The following CCSER2 variants were observed in gnomAD, a reference collection of about 807,000 sequenced individuals.
CCSER2 encodes coiled-coil serine rich protein 2.
CCSER2 carries 46 observed loss-of-function variants against 92.3 expected under a neutral mutation model. That is an observed-to-expected ratio of 0.50 (90% CI 0.39 to 0.64). The LOEUF (loss-of-function observed/expected upper bound fraction) is 0.64. Ranked by LOEUF, CCSER2 falls within the 30% of genes least tolerant of loss-of-function variation. CCSER2 has a pLI of 0.00. For missense variants in CCSER2, 1,244 were observed against 1,238.9 expected, an observed-to-expected ratio of 1.00 and a Z score of -0.06; for synonymous variants, 433 against 431.4, an observed-to-expected ratio of 1.00 and a Z score of -0.04.
chr10:84,359,060 C>T (rs1845356926), intron 1 of CCSER2, among the ~76,000 whole-genome samples: 1 of 152,240 alleles, frequency 6.6e-6, no homozygotes, highest in East Asian at 1.9e-4. Context: ...ATTCCTGTAA[C>T]CTTCTCCCAC....
At chr10:84,411,289 T>A (rs1842637424) in intron 3 of CCSER2, among the ~76,000 whole-genome samples, 1 of 152,198 alleles carries the variant, frequency 6.6e-6, no homozygotes, top group South Asian at 2.1e-4. Context: ...TTGGGCTCTT[T>A]TTTGGTTCCA....
rs560129793 is a variant in CCSER2, at chr10:84,515,828, C to T, written c.*1561C>T. Reference sequence around the variant, plus strand: ...CAAAGACAATATTCTTATTTTAATACGCTGTAGAAGGTAGGTGTGGAACCT... The same window carrying T: ...CAAAGACAATATTCTTATTTTAATATGCTGTAGAAGGTAGGTGTGGAACCT... On this transcript the variant is annotated 3_prime_UTR_variant, in exon 10 of 10. Coordinates refer to ENST00000372088, the MANE Select transcript of CCSER2 (RefSeq NM_001284240.2). 3.4e-4 allele frequency: 52 copies of T among 152,248 alleles called. No individual in the cohort carries two copies. Among genetic ancestry groups the T allele is most frequent in the African/African-American group, 9.6e-4 (40 of 41,532 alleles). The allele number at this position is 152,248 out of a possible 1,614,324, so 9.4% of individuals were successfully genotyped here.
intron 8 of CCSER2, among the ~76,000 whole-genome samples, chr10:84,473,749 A>T (rs1187434913): frequency 6.6e-6 from 1 of 152,192 alleles, no homozygotes. Flanking sequence ...CAGAAGAATC[A>T]TAGACTAGGA....
At chr10:84,402,282 G>GT (rs1249496309) in intron 3 of CCSER2, among the ~76,000 whole-genome samples, 3 of 152,262 alleles carry the variant, frequency 2.0e-5, no homozygotes, top group South Asian at 4.1e-4. Context: ...GTGGCTGCTG[G>GT]TGACAGTAGC....
Position 84,373,695 on chromosome 10 carries a change from G to A in CCSER2, c.1494G>A (p.Ser498=), listed in dbSNP as rs140176729. Residue 498 remains serine (S), a synonymous_variant, in exon 3 of 10, where the codon TCG becomes TCA. Coordinates refer to ENST00000372088, the MANE Select transcript of CCSER2 (RefSeq NM_001284240.2). ...ATACAGACTACAGAGCTGGTTCTTC[G>A]TTTGAACTCTCTCCATCTGATAGCT... The part of the protein sequence containing the change: ...SPDTDYRAGS[S]FELSPSDSSD... 22 of 1,613,522 alleles carry A rather than the reference G, an allele frequency of 1.4e-5. No individual in the cohort carries two copies. In the East Asian group the frequency reaches 3.1e-4, roughly 23 times the overall value.
At chr10:84,468,508 GA>G (rs903155090) in intron 7 of CCSER2, among the ~76,000 whole-genome samples, 8 of 152,162 alleles carry the variant, frequency 5.3e-5, no homozygotes, top group South Asian at 2.1e-4. Context: ...TTTGGTGGGG[GA>G]AAAAAATCCT....
intron 9 of CCSER2, among the ~76,000 whole-genome samples, chr10:84,488,172 G>A (rs528626663): frequency 2.0e-5 from 3 of 152,294 alleles, no homozygotes; most frequent in African/African-American, 7.2e-5. Flanking sequence ...TTGCATCGAT[G>A]TTCATCAGGG....
intron 1 of CCSER2, among the ~76,000 whole-genome samples, chr10:84,365,194 A>G (rs2133136427): frequency 6.6e-6 from 1 of 152,358 alleles, no homozygotes; most frequent in South Asian, 2.1e-4. Flanking sequence ...CACAGATGGT[A>G]TTAAAGTGTC....
At chr10:84,386,081 CAT>C (rs34216639) in intron 3 of CCSER2, among the ~76,000 whole-genome samples, 15,167 of 152,062 alleles carry the variant, frequency 0.1, 948 homozygotes, top group Admixed American at 0.15. Flanking sequence ...TAAAAAATAA[CAT>C]ATGTTGGTGA....
At chr10:84,394,325 C>T (rs930821172) in intron 3 of CCSER2, among the ~76,000 whole-genome samples, 10 of 150,600 alleles carry the variant, frequency 6.6e-5, no homozygotes, top group Non-Finnish European at 1.3e-4. Flanking sequence ...AACACATGAT[C>T]GTAGTATGAA....
chr10:84,335,155 A>G (rs1365815851), intron 1 of CCSER2, among the ~76,000 whole-genome samples: 1 of 147,236 alleles, frequency 6.8e-6, no homozygotes, highest in Non-Finnish European at 1.5e-5. Context: ...GGTGCCTGGT[A>G]TTGAAAAGCC....
intron 5 of CCSER2, among the ~76,000 whole-genome samples, chr10:84,428,985 G>GTATGTATA (rs1554847404): frequency 7.1e-6 from 1 of 140,848 alleles, no homozygotes; most frequent in African/African-American, 2.9e-5. Context: ...GTGTGTATGT[G>GTATGTATA]TATATATATA....
At position 84,445,344 on chromosome 10, in the gene CCSER2, G is replaced by A. The variant is rs184609976; in HGVS notation, c.2064+6637G>A. On this transcript the variant is annotated intron_variant, in intron 6 of 9. Transcript: ENST00000372088. ...AATTTTTTGTACTTTTAGAAGAGACGGGGTTTCACCATGTTAGCCAGGATG... is the reference window on the plus strand; with the variant it reads ...AATTTTTTGTACTTTTAGAAGAGACAGGGTTTCACCATGTTAGCCAGGATG... Among the ~76,000 whole-genome samples the A allele has an allele frequency of 2.4e-3, 361 of 152,172 alleles. 1 individual carries two copies. The highest frequency in any genetic ancestry group is 8.3e-3 in the African/African-American group (343 of 41,522).
intron 9 of CCSER2, among the ~76,000 whole-genome samples, chr10:84,501,059 T>C (rs1478086366): frequency 6.6e-6 from 1 of 152,130 alleles, no homozygotes; most frequent in African/African-American, 2.4e-5. Flanking sequence ...TAGTAGCAAG[T>C]TCGTTTGTTT....
At position 84,518,264 on chromosome 10, in the gene CCSER2, A is replaced by G. The variant is rs574403734; in HGVS notation, c.*3997A>G. 2 of 152,708 alleles carry G rather than the reference A, an allele frequency of 1.3e-5. No homozygotes were observed. Among genetic ancestry groups the G allele is most frequent in the Admixed American group, 6.5e-5 (1 of 15,302 alleles). 9.5% of individuals were successfully genotyped at this position (152,708 alleles called of 1,614,324 possible). On this transcript the variant is annotated 3_prime_UTR_variant, in exon 10 of 10. Coordinates refer to ENST00000372088, the MANE Select transcript of CCSER2 (RefSeq NM_001284240.2). ...TACATGTTTTAATCTTGTTGGGAAT[A>G]AGCTTACCCACTTTCTCCTTGGTAA...
chr10:84,441,759 T>A (rs1471185134), intron 6 of CCSER2, among the ~76,000 whole-genome samples: 1 of 82,192 alleles, frequency 1.2e-5, no homozygotes, highest in South Asian at 4.1e-4. Flanking sequence ...TTTTTTTTTT[T>A]TTTTTTTTTT....
Position 84,496,017 on chromosome 10 carries a change from ATAAT to A in CCSER2, c.2326-17430_2326-17427del, listed in dbSNP as rs1040095403. Among the ~76,000 whole-genome samples the A allele has an allele frequency of 2.2e-3, 331 of 149,718 alleles. 1 individual carries two copies. The highest frequency in any genetic ancestry group is 7.7e-3 in the African/African-American group (315 of 40,872). On this transcript the variant is annotated intron_variant, in intron 9 of 9. Coordinates refer to ENST00000372088, the MANE Select transcript of CCSER2 (RefSeq NM_001284240.2). The stretch of plus-strand genomic sequence containing the variant: ...TTCTTTTCTGTATATTAGTTTTTTA[ATAAT>A]TCTATTTTTATTTATATATAGTGTT...
chr10:84,359,241 T>A (rs1244788134), intron 1 of CCSER2, among the ~76,000 whole-genome samples: 1 of 152,178 alleles, frequency 6.6e-6, no homozygotes, highest in Non-Finnish European at 1.5e-5. Flanking sequence ...AGTTGTGGAA[T>A]TGGGAGGGGA....
At chr10:84,340,725 G>T (rs751507356) in intron 1 of CCSER2, among the ~76,000 whole-genome samples, 1 of 150,512 alleles carries the variant, frequency 6.6e-6, no homozygotes. Flanking sequence ...TCCCCCTCTT[G>T]GCTTCTCCAT....
Sources: allele counts gnomAD v4.1 joint callset (sites outside exome capture counted in the v4.1 genomes callset), GRCh38; gene constraint gnomAD v4.1.1; transcripts MANE v1.5; gene names NCBI Gene and HGNC (gene_info 2026-07-23, HGNC 2026-07-21).